TRIM44: variants seen among roughly 807,000 people sequenced by gnomAD.
The protein encoded by TRIM44 is tripartite motif-containing protein 44.
In TRIM44, 13 loss-of-function variants were observed where a neutral mutation model predicts 37.4. The ratio of observed to expected loss-of-function variants is 0.35; its 90% CI spans 0.23 to 0.55. The LOEUF (loss-of-function observed/expected upper bound fraction) is 0.55. Among genes scored for constraint, TRIM44 ranks in the 20% least tolerant of loss-of-function variants. TRIM44 has a pLI of 0.89. For missense variants in TRIM44, 426 were observed against 437.2 expected (o/e 0.97, Z 0.23); for synonymous variants, 175 against 157.2 (o/e 1.11, Z -0.85).
chr11:35,694,307 C>T (rs1851671413), intron 2 of TRIM44, among the ~76,000 whole-genome samples: 1 of 152,088 alleles, frequency 6.6e-6, no homozygotes, highest in Non-Finnish European at 1.5e-5. Flanking sequence ...TGATGCCCTT[C>T]TAGAAGAGTG....
rs1337225702 is a variant in TRIM44 at position 35,816,016 on chromosome 11, T to TG, written c.*9632dup. 1 of 152,326 alleles carries TG rather than the reference T, an allele frequency of 6.6e-6. No homozygotes were observed. The highest frequency in any genetic ancestry group is 1.9e-4 in the East Asian group (1 of 5,188). The allele number at this position is 152,326 out of a possible 1,614,324, so 9.4% of individuals were successfully genotyped here. A position where few individuals can be genotyped will look rare whatever the true frequency, so the allele number is the denominator to read the frequency against. ...CTGGCCCATTGTCAAATGGCAGACT[T>TG]GCAGAGCAAATAAGGGACCTGGCCT... On this transcript the variant is annotated 3_prime_UTR_variant, in exon 5 of 5. Transcript: ENST00000299413.
At chr11:35,729,434 G>T (rs373188924) in intron 3 of TRIM44, among the ~76,000 whole-genome samples, 3 of 152,094 alleles carry the variant, frequency 2.0e-5, no homozygotes, top group Non-Finnish European at 2.9e-5. Context: ...GACTTCTGCC[G>T]TACCCTGCAG....
chr11:35,726,171 A>G lies in TRIM44; in HGVS notation c.987+8A>G, dbSNP rs1301392369. The G allele has an allele frequency of 6.2e-7, 1 of 1,612,554 alleles. No individual in the cohort carries two copies. The highest frequency in any genetic ancestry group is 1.7e-5 in the Admixed American group (1 of 59,906). On this transcript the variant is annotated splice_region_variant and intron_variant, in intron 3 of 4. Coordinates refer to ENST00000299413, the MANE Select transcript of TRIM44 (RefSeq NM_017583.6). ...GCTGAGCCAAAGGCAGAGGTAAAGG[A>G]AAAGCCCATAATTATTAGTAGCAAG... is the stretch of plus-strand genomic sequence containing the variant.
intron 4 of TRIM44, among the ~76,000 whole-genome samples, chr11:35,761,253 A>G (rs1852722129): frequency 6.6e-6 from 1 of 152,066 alleles, no homozygotes; most frequent in Non-Finnish European, 1.5e-5. Flanking sequence ...TTATCTTTGG[A>G]CTTACCACTT....
intron 2 of TRIM44, among the ~76,000 whole-genome samples, chr11:35,694,657 A>T (rs75022191): frequency 6.6e-6 from 1 of 152,052 alleles, no homozygotes; most frequent in Non-Finnish European, 1.5e-5. Flanking sequence ...GTTCACATCA[A>T]GGATGCCGTT....
intron 2 of TRIM44, among the ~76,000 whole-genome samples, chr11:35,687,604 TCA>T (rs1276870108): frequency 6.6e-6 from 1 of 152,182 alleles, no homozygotes; most frequent in Non-Finnish European, 1.5e-5. Context: ...TGTGTACAAA[TCA>T]CACTGAGTGT....
chr11:35,739,875 C>T (rs531709680), intron 4 of TRIM44, among the ~76,000 whole-genome samples: 59 of 152,180 alleles, frequency 3.9e-4, no homozygotes, highest in Non-Finnish European at 2.4e-4. Context: ...GAGACTGACC[C>T]TGATCACGAG....
chr11:35,771,711 C>T (rs907859567), intron 4 of TRIM44, among the ~76,000 whole-genome samples: 5 of 142,906 alleles, frequency 3.5e-5, no homozygotes, highest in African/African-American at 7.9e-5. Context: ...GGTGAGAGAG[C>T]GAGACTCTGT....
intron 4 of TRIM44, among the ~76,000 whole-genome samples, chr11:35,769,628 T>C (rs1000391699): frequency 2.6e-5 from 4 of 152,192 alleles, no homozygotes; most frequent in African/African-American, 4.8e-5. Context: ...AGGGGGATAA[T>C]TAATAGTACT....
At chr11:35,731,992 G>A (rs1852267067) in intron 3 of TRIM44, among the ~76,000 whole-genome samples, 1 of 152,054 alleles carries the variant, frequency 6.6e-6, no homozygotes, top group Admixed American at 6.6e-5. Context: ...TCTATAGTGA[G>A]GGTGATACCA....
At chr11:35,703,223 C>A (rs1851820525) in intron 2 of TRIM44, among the ~76,000 whole-genome samples, 1 of 152,316 alleles carries the variant, frequency 6.6e-6, no homozygotes, top group African/African-American at 2.4e-5. Context: ...CCGCCATTGC[C>A]CAGGCTTGGT....
chr11:35,683,461 G>A (rs1392436772), intron 1 of TRIM44, among the ~76,000 whole-genome samples: 2 of 152,090 alleles, frequency 1.3e-5, no homozygotes, highest in Non-Finnish European at 2.9e-5. Flanking sequence ...TTATATAGTG[G>A]AATCTTATTA....
At chr11:35,762,501 A>G (rs1852743043) in intron 4 of TRIM44, among the ~76,000 whole-genome samples, 1 of 152,208 alleles carries the variant, frequency 6.6e-6, no homozygotes. Context: ...CGGTCAGGGA[A>G]TAAGTCTTTA....
At chr11:35,770,311 G>A (rs574851187) in intron 4 of TRIM44, among the ~76,000 whole-genome samples, 1 of 152,200 alleles carries the variant, frequency 6.6e-6, no homozygotes, top group Admixed American at 6.5e-5. Context: ...ACTGCTGATG[G>A]GCACACAAGG....
rs578152583 is a variant in TRIM44, at chr11:35,776,784, C to T, written c.1008-29574C>T. Among the ~76,000 whole-genome samples, 5 of 152,294 alleles carry T rather than the reference C, an allele frequency of 3.3e-5. No individual in the cohort carries two copies. In the East Asian group the frequency reaches 9.6e-4, roughly 29 times the overall value. On this transcript the variant is annotated intron_variant, in intron 4 of 4. Transcript: ENST00000299413. Reference sequence around the variant, plus strand: ...GTGGTTTTGAGTGAGTTTCTTAATCCTGAGTTCTAGTTTGATTGCACTGTG... The same window carrying T: ...GTGGTTTTGAGTGAGTTTCTTAATCTTGAGTTCTAGTTTGATTGCACTGTG...
At chr11:35,681,421 C>A (rs1037238095) in intron 1 of TRIM44, among the ~76,000 whole-genome samples, 1 of 152,176 alleles carries the variant, frequency 6.6e-6, no homozygotes, top group Non-Finnish European at 1.5e-5. Flanking sequence ...ACAGATTAAT[C>A]AAATTCTGAG....
intron 4 of TRIM44, among the ~76,000 whole-genome samples, chr11:35,783,945 T>C (rs1028270236): frequency 1.3e-5 from 2 of 152,172 alleles, no homozygotes; most frequent in African/African-American, 4.8e-5. Context: ...CCAGCAAAGG[T>C]TGCAGATGTA....
intron 1 of TRIM44, among the ~76,000 whole-genome samples, chr11:35,676,136 T>A (rs778209319): frequency 1.3e-4 from 20 of 152,218 alleles, no homozygotes; most frequent in Admixed American, 3.9e-4. Context: ...GGTTTCTTCT[T>A]CTGTAACATG....
chr11:35,731,194 G>A (rs1208053785), intron 3 of TRIM44, among the ~76,000 whole-genome samples: 1 of 152,188 alleles, frequency 6.6e-6, no homozygotes, highest in African/African-American at 2.4e-5. Context: ...AAGGGATTCA[G>A]TATATTACTA....
Sources: allele counts gnomAD v4.1 joint callset (sites outside exome capture counted in the v4.1 genomes callset), GRCh38; gene constraint gnomAD v4.1.1; transcripts MANE v1.5; gene names NCBI Gene and HGNC (gene_info 2026-07-23, HGNC 2026-07-21).